The following NEK5 variants were observed in gnomAD, a reference collection of about 807,000 sequenced individuals.
NEK5 encodes the protein serine/threonine-protein kinase Nek5.
Under a neutral mutation model 109.2 loss-of-function variants are expected in NEK5, and 88 were observed. That is an observed-to-expected ratio of 0.81 (90% CI 0.68 to 0.96). NEK5 has a LOEUF of 0.96. Among genes scored for constraint, NEK5 ranks in the 40% least tolerant of loss-of-function variants. NEK5 has a pLI of 0.00. For synonymous variants in NEK5, 283 were observed against 299.9 expected, an observed-to-expected ratio of 0.94 and a Z score of 0.58; for missense variants, 834 against 920.7, an observed-to-expected ratio of 0.91 and a Z score of 1.22.
rs1211232655 is a variant in NEK5, at chr13:52,093,037, C to T, written c.1208+17G>A. 6.4e-7 allele frequency: 1 copy of T among 1,569,730 alleles called. No individual in the cohort carries two copies. Among genetic ancestry groups the T allele is most frequent in the Non-Finnish European group, 8.7e-7 (1 of 1,146,658 alleles). ...ATTTTTAGATTAACCAAAGCTTAAG[C>T]TAGACCACAATATTACCATTGACTT... On this transcript the variant is annotated intron_variant, in intron 13 of 23. Coordinates refer to ENST00000684899, the MANE Select transcript of NEK5 (RefSeq NM_001365552.1).
At chr13:52,083,165 C>A (rs1955049542) in intron 17 of NEK5, 95 bp downstream of exon 17, 1 of 797,588 alleles carries the variant, frequency 1.3e-6, no homozygotes, top group Non-Finnish European at 2.1e-6. Context: ...AAAAAAAGTT[C>A]CCTACGTGGT....
chr13:52,091,318 T>C (rs1437603083), intron 13 of NEK5, among the ~76,000 whole-genome samples: 1 of 152,204 alleles, frequency 6.6e-6, no homozygotes, highest in African/African-American at 2.4e-5. Context: ...CTGCTCCAGT[T>C]CTTCTGTAAA....
At chr13:52,082,917 G>A (rs942114544) in intron 17 of NEK5, among the ~76,000 whole-genome samples, 12 of 152,178 alleles carry the variant, frequency 7.9e-5, no homozygotes, top group African/African-American at 2.9e-4. Flanking sequence ...AGGAGGCCGA[G>A]GCTGGTGGAT....
chr13:52,062,830 A>G (rs1040196284), intron 21 of NEK5, among the ~76,000 whole-genome samples: 1 of 152,144 alleles, frequency 6.6e-6, no homozygotes. Context: ...TAAATAGCAC[A>G]TTGGCTTCAA....
intron 3 of NEK5, among the ~76,000 whole-genome samples, chr13:52,126,099 T>C (rs1051310363): frequency 2.6e-5 from 4 of 152,198 alleles, no homozygotes; most frequent in African/African-American, 9.6e-5. Context: ...GCACACACTT[T>C]GTATGGAACT....
At chr13:52,074,084 T>C (rs1954826044) in intron 19 of NEK5, among the ~76,000 whole-genome samples, 1 of 151,978 alleles carries the variant, frequency 6.6e-6, no homozygotes, top group Non-Finnish European at 1.5e-5. Context: ...ACTATTCCTG[T>C]CAAACTACCA....
intron 12 of NEK5, among the ~76,000 whole-genome samples, chr13:52,094,565 C>T (rs1308649326): frequency 3.3e-5 from 5 of 152,170 alleles, no homozygotes; most frequent in Non-Finnish European, 4.4e-5. Flanking sequence ...AGGCGGATCA[C>T]GAGGTCAGGA....
intron 17 of NEK5, among the ~76,000 whole-genome samples, chr13:52,077,117 T>A (rs1954883424): frequency 6.6e-6 from 1 of 152,150 alleles, no homozygotes; most frequent in Non-Finnish European, 1.5e-5. Flanking sequence ...GGGAGAGCAT[T>A]TTCCATGCAG....
intron 22 of NEK5, among the ~76,000 whole-genome samples, chr13:52,058,002 A>T (rs1954577200): frequency 6.6e-6 from 1 of 152,152 alleles, no homozygotes; most frequent in Non-Finnish European, 1.5e-5. Context: ...GGAAAAGAGG[A>T]AGTCAAATTG....
chr13:52,127,177 T>C (rs1956079888), intron 3 of NEK5, among the ~76,000 whole-genome samples, 189 bp downstream of exon 3: 1 of 152,188 alleles, frequency 6.6e-6, no homozygotes, highest in African/African-American at 2.4e-5. Context: ...AGCCAGTGCG[T>C]CCAGCCTCTT....
intron 12 of NEK5, 70 bp downstream of exon 12, chr13:52,099,673 C>G (rs1267749429): frequency 2.1e-6 from 3 of 1,400,300 alleles, no homozygotes; most frequent in Non-Finnish European, 2.9e-6. Flanking sequence ...CGTCTCAAAA[C>G]AAACAAACAA....
At chr13:52,096,763 A>T (rs1019408405) in intron 12 of NEK5, among the ~76,000 whole-genome samples, 6 of 152,210 alleles carry the variant, frequency 3.9e-5, no homozygotes, top group African/African-American at 7.2e-5. Flanking sequence ...CTGGGGAGCA[A>T]TTCAAACCAG....
chr13:52,091,639 A>G (rs575021563), intron 13 of NEK5, among the ~76,000 whole-genome samples: 1 of 152,334 alleles, frequency 6.6e-6, no homozygotes, highest in East Asian at 1.9e-4. Flanking sequence ...CAAAGTAACA[A>G]ATTCTTAACC....
At chr13:52,041,465 C>T (rs910906595) in intron 23 of NEK5, among the ~76,000 whole-genome samples, 9 of 152,002 alleles carry the variant, frequency 5.9e-5, no homozygotes, top group Non-Finnish European at 1.3e-4. Context: ...GATTCATCCA[C>T]GCCTGTAATC....
chr13:52,110,520 T>A lies in NEK5; in HGVS notation c.370A>T (p.Ile124Leu). Residue 124 changes from isoleucine to leucine, a missense_variant, in exon 6 of 24, where the codon ATA becomes TTA. Physicochemically the swap from Ile to Leu is conservative, Grantham distance 5. Transcript: ENST00000684899. ...LGLKHIHDRKILHRDIKAQNI... is the reference protein window; with the variant it reads ...LGLKHIHDRKLLHRDIKAQNI... ...TGAGCTTTTATGTCCCTGTGTAATA[T>A]CTTCCTGTCATGAATATGTTTTAGT... 1.2e-6 allele frequency: 2 copies of A among 1,612,682 alleles called. No individual in the cohort carries two copies. Among genetic ancestry groups the A allele is most frequent in the Non-Finnish European group, 1.7e-6 (2 of 1,178,858 alleles).
chr13:52,097,706 T>C (rs1955445372), intron 12 of NEK5, among the ~76,000 whole-genome samples: 2 of 151,848 alleles, frequency 1.3e-5, no homozygotes, highest in Admixed American at 1.3e-4. Context: ...CCTTGAATTG[T>C]GGACTTTTGA....
chr13:52,127,082 G>T (rs1481191696), intron 3 of NEK5, among the ~76,000 whole-genome samples: 1 of 152,094 alleles, frequency 6.6e-6, no homozygotes, highest in African/African-American at 2.4e-5. Flanking sequence ...ACAGGGTCTT[G>T]CTATGTTGCC....
At position 52,034,131 on chromosome 13, in the gene NEK5, C is replaced by T. The variant is rs1015152062; in HGVS notation, c.*2817G>A. ...TTATTGCTACCATTTACAGAATGATCAATTTGATAGCTATCATACATGGCT... is the reference window on the plus strand; with the variant it reads ...TTATTGCTACCATTTACAGAATGATTAATTTGATAGCTATCATACATGGCT... On this transcript the variant is annotated 3_prime_UTR_variant, in exon 24 of 24. Transcript: ENST00000684899. The T allele has an allele frequency of 6.6e-6, 1 of 152,098 alleles. No homozygotes were observed. Among genetic ancestry groups the T allele is most frequent in the African/African-American group, 2.4e-5 (1 of 41,386 alleles). The allele number at this position is 152,098 out of a possible 1,614,324, so 9.4% of individuals were successfully genotyped here.
intron 4 of NEK5, among the ~76,000 whole-genome samples, chr13:52,113,039 G>T (rs1050417152): frequency 6.6e-6 from 1 of 152,126 alleles, no homozygotes; most frequent in Non-Finnish European, 1.5e-5. Flanking sequence ...ATAAACTGAT[G>T]AAATATGAAT....
Sources: allele counts gnomAD v4.1 joint callset (sites outside exome capture counted in the v4.1 genomes callset), GRCh38; gene constraint gnomAD v4.1.1; transcripts MANE v1.5; gene names NCBI Gene and HGNC (gene_info 2026-07-23, HGNC 2026-07-21).